SLC5A4: variants seen among roughly 807,000 people sequenced by gnomAD.
SLC5A4 encodes the protein probable glucose sensor protein SLC5A4.
In SLC5A4, 55 loss-of-function variants were observed where a neutral mutation model predicts 70.3. The observed-to-expected ratio is 0.78, with a 90% confidence interval of 0.63 to 0.98. The LOEUF is 0.98. Ranked by LOEUF, SLC5A4 falls within the 50% of genes least tolerant of loss-of-function variation. SLC5A4 has a pLI of 0.00. For missense variants in SLC5A4, 735 were observed against 839.2 expected (o/e 0.88, Z 1.53); for synonymous variants, 268 against 305.7 (o/e 0.88, Z 1.29).
chr22:32,318,993 G>A, the SLC5A4 span, among the ~76,000 whole-genome samples: 1 of 152,210 alleles, frequency 6.6e-6, no homozygotes, highest in Non-Finnish European at 1.5e-5. Flanking sequence ...GCAGATGGAG[G>A]AAAACAGTGT....
intron 5 of SLC5A4, among the ~76,000 whole-genome samples, 198 bp from the exon 6 acceptor site, chr22:32,239,288 G>A (rs1486163083): frequency 2.6e-5 from 4 of 151,232 alleles, no homozygotes; most frequent in Non-Finnish European, 5.9e-5. Flanking sequence ...ACTCTCTTCT[G>A]TAGTCGCATA....
At chr22:32,303,255 T>C in the SLC5A4 span, among the ~76,000 whole-genome samples, 3 of 152,164 alleles carry the variant, frequency 2.0e-5, no homozygotes, top group African/African-American at 4.8e-5. Context: ...TCAATATGTG[T>C]AAGGTATACA....
the SLC5A4 span, among the ~76,000 whole-genome samples, chr22:32,293,011 A>G: frequency 6.6e-6 from 1 of 152,176 alleles, no homozygotes; most frequent in Non-Finnish European, 1.5e-5. Flanking sequence ...GGCTTTTATC[A>G]TTATGAAATG....
At chr22:32,321,880 G>A in the SLC5A4 span, among the ~76,000 whole-genome samples, 13 of 152,304 alleles carry the variant, frequency 8.5e-5, no homozygotes, top group African/African-American at 2.2e-4. Context: ...GTGCAAGAGC[G>A]CCTATGGCAG....
the SLC5A4 span, among the ~76,000 whole-genome samples, chr22:32,292,033 C>T: frequency 7.1e-5 from 10 of 140,548 alleles, no homozygotes; most frequent in East Asian, 2.0e-4. Flanking sequence ...CCACTACGCC[C>T]GGCTATTTTT....
chr22:32,339,571 C>T, the SLC5A4 span, among the ~76,000 whole-genome samples: 797 of 152,314 alleles, frequency 5.2e-3, 9 homozygotes, highest in African/African-American at 0.018. Flanking sequence ...CCTTCTGTTC[C>T]GCCGGGCCCT....
chr22:32,263,222 T>C, the SLC5A4 span, among the ~76,000 whole-genome samples: 2 of 152,076 alleles, frequency 1.3e-5, no homozygotes, highest in East Asian at 1.9e-4. Flanking sequence ...TTGCGCAGGC[T>C]GGTCTCAAAC....
the SLC5A4 span, chr22:32,272,291 C>T: frequency 1.1e-5 from 9 of 811,006 alleles, no homozygotes; most frequent in African/African-American, 1.7e-5. Context: ...GAGTCCTTTA[C>T]GAGAAGGAGC....
intron 5 of SLC5A4, among the ~76,000 whole-genome samples, chr22:32,246,148 T>G (rs1926815882): frequency 6.6e-6 from 1 of 152,280 alleles, no homozygotes; most frequent in African/African-American, 2.4e-5. Flanking sequence ...TTGTTTCATG[T>G]GCAGAATTCT....
chr22:32,336,742 T>G, the SLC5A4 span, among the ~76,000 whole-genome samples: 1 of 152,214 alleles, frequency 6.6e-6, no homozygotes, highest in Non-Finnish European at 1.5e-5. Flanking sequence ...TAAGGAATAT[T>G]CACCCTTTGG....
the SLC5A4 span, among the ~76,000 whole-genome samples, chr22:32,305,662 TCAGCGTGAGGGACACACGGTCC>T: frequency 1.3e-5 from 2 of 149,156 alleles, no homozygotes; most frequent in Non-Finnish European, 3.0e-5. Flanking sequence ...TCAACTGTGT[TCAGCGTGAGGGACACACGGTCC>T]CAGTGTGAGG....
the SLC5A4 span, among the ~76,000 whole-genome samples, chr22:32,291,722 T>A: frequency 6.6e-6 from 1 of 152,094 alleles, no homozygotes; most frequent in East Asian, 1.9e-4. Flanking sequence ...AATTCCCTTA[T>A]ACTCAAATGT....
In SLC5A4 at chr22:32,230,954, G is replaced by C. The variant is rs1925717175; in HGVS notation, c.1129+14C>G. On this transcript the variant is annotated intron_variant, in intron 10 of 14. Transcript: ENST00000266086. Reference sequence around the variant, plus strand: ...CAGGCCTCTGGGGCTGTCCCAGCAGGGACATTTTCCTACCTTGGGGCATCA... The same window carrying C: ...CAGGCCTCTGGGGCTGTCCCAGCAGCGACATTTTCCTACCTTGGGGCATCA... 6.3e-7 allele frequency: 1 copy of C among 1,576,764 alleles called. No homozygotes were observed. The highest frequency in any genetic ancestry group is 1.7e-5 in the Admixed American group (1 of 59,932).
chr22:32,259,894 A>T (rs1344150304), upstream of SLC5A4, among the ~76,000 whole-genome samples: 1 of 152,206 alleles, frequency 6.6e-6, no homozygotes, highest in Non-Finnish European at 1.5e-5. Flanking sequence ...AGGAGTAGGT[A>T]AAAGAAAGGG....
the SLC5A4 span, among the ~76,000 whole-genome samples, chr22:32,307,225 G>C: frequency 8.1e-3 from 1,235 of 152,184 alleles, 7 homozygotes; most frequent in Non-Finnish European, 0.011. Context: ...AATCTGTCAG[G>C]GCTTTGATGT....
the SLC5A4 span, chr22:32,271,869 G>C: frequency 1.7e-6 from 1 of 601,606 alleles, no homozygotes; most frequent in Admixed American, 2.0e-5. Flanking sequence ...ACGGTCCACT[G>C]TGTGGCTTAC....
chr22:32,318,695 A>G, the SLC5A4 span, among the ~76,000 whole-genome samples: 2 of 152,098 alleles, frequency 1.3e-5, no homozygotes, highest in Admixed American at 1.3e-4. Context: ...TCTGCTCTCA[A>G]CACAGCAGCC....
Position 32,235,086 on chromosome 22 carries a change from G to A in SLC5A4, c.672C>T (p.Asn224=), listed in dbSNP as rs752335889. Residue 224 remains asparagine (N), a synonymous_variant, in exon 8 of 15, where the codon AAC becomes AAT. Coordinates refer to ENST00000266086, the MANE Select transcript of SLC5A4 (RefSeq NM_014227.3). The stretch of plus-strand genomic sequence containing the variant: ...TAAAGCTCTCATAACCTCCAACTTC[G>A]TTAAATGCTAAAAAGGCATCAGAGT... The part of the protein sequence containing the change: ...GSFILMGFAF[N]EVGGYESFTE... 20 of 1,610,628 alleles carry A rather than the reference G, an allele frequency of 1.2e-5. No individual in the cohort carries two copies. Among genetic ancestry groups the A allele is most frequent in the South Asian group, 8.8e-5 (8 of 90,978 alleles).
chr22:32,322,172 C>T, the SLC5A4 span, among the ~76,000 whole-genome samples: 1 of 152,192 alleles, frequency 6.6e-6, no homozygotes, highest in Non-Finnish European at 1.5e-5. Context: ...GCCTGGCTGA[C>T]TCGACCATGA....
Sources: allele counts gnomAD v4.1 joint callset (sites outside exome capture counted in the v4.1 genomes callset), GRCh38; gene constraint gnomAD v4.1.1; transcripts MANE v1.5; gene names NCBI Gene and HGNC (gene_info 2026-07-23, HGNC 2026-07-21).